ZNF804B: variants seen among roughly 807,000 people sequenced by gnomAD.
The protein encoded by ZNF804B is zinc finger 804B.
ZNF804B carries 80 observed loss-of-function variants against 101.4 expected under a neutral mutation model. The observed-to-expected ratio is 0.79, with a 90% CI of 0.66 to 0.95. ZNF804B has a LOEUF of 0.95. Ranked by LOEUF, ZNF804B falls within the 40% of genes least tolerant of loss-of-function variation. The pLI, the probability that ZNF804B is intolerant of heterozygous loss-of-function variation, is 0.00. For synonymous variants in ZNF804B, 622 were observed against 558.8 expected, an observed-to-expected ratio of 1.11 and a Z score of -1.59; for missense variants, 1,673 against 1,561.9, an observed-to-expected ratio of 1.07 and a Z score of -1.20.
chr7:88,780,965 T>C (rs1790217718), intron 1 of ZNF804B, among the ~76,000 whole-genome samples: 2 of 152,202 alleles, frequency 1.3e-5, no homozygotes, highest in African/African-American at 4.8e-5. Flanking sequence ...ATCTAATTTA[T>C]ACATCAGGCA....
chr7:89,246,021 G>A (rs1263017907), intron 2 of ZNF804B, among the ~76,000 whole-genome samples: 2 of 152,142 alleles, frequency 1.3e-5, no homozygotes, highest in Non-Finnish European at 2.9e-5. Flanking sequence ...CCAGACCTGA[G>A]ACCGAGAGCA....
At chr7:88,989,884 A>C (rs1793819448) in intron 1 of ZNF804B, among the ~76,000 whole-genome samples, 1 of 152,022 alleles carries the variant, frequency 6.6e-6, no homozygotes, top group South Asian at 2.1e-4. Flanking sequence ...CTGAGGAATG[A>C]TAGTGTTATT....
chr7:89,090,199 A>C (rs999289961), intron 1 of ZNF804B, among the ~76,000 whole-genome samples: 1 of 152,084 alleles, frequency 6.6e-6, no homozygotes, highest in Non-Finnish European at 1.5e-5. Context: ...ATTTAAATAC[A>C]AAGAATAAAA....
chr7:89,226,651 A>ATT (rs1789093371), intron 2 of ZNF804B, among the ~76,000 whole-genome samples: 1 of 151,982 alleles, frequency 6.6e-6, no homozygotes, highest in Admixed American at 6.6e-5. Context: ...GTCTTCATAT[A>ATT]TTTTCACTTA....
intron 1 of ZNF804B, among the ~76,000 whole-genome samples, chr7:88,770,187 T>C (rs992722511): frequency 6.6e-6 from 1 of 152,144 alleles, no homozygotes; most frequent in Non-Finnish European, 1.5e-5. Context: ...ATGTTTATAT[T>C]TGAGTCCCCA....
At chr7:89,298,467 CATCTCTGTTCTCCTCAAAAGTGGGAT>C (rs1016431864) in intron 2 of ZNF804B, among the ~76,000 whole-genome samples, 4 of 150,376 alleles carry the variant, frequency 2.7e-5, no homozygotes, top group African/African-American at 9.8e-5. Flanking sequence ...ATATACAGGA[CATCTCTGTTCTCCTCAAAAGTGGGAT>C]TACGTAGTAT....
chr7:88,877,043 ATATATATTTTTTTTTTTT>A (rs1791960708), intron 1 of ZNF804B, among the ~76,000 whole-genome samples: 1 of 41,812 alleles, frequency 2.4e-5, no homozygotes, highest in African/African-American at 1.3e-4. Context: ...ATATATATAT[ATATATATTTTTTTTTTTT>A]TTTTTTTTTT....
intron 1 of ZNF804B, among the ~76,000 whole-genome samples, chr7:89,036,030 T>TTA (rs1443206724): frequency 9.6e-5 from 14 of 146,580 alleles, no homozygotes; most frequent in South Asian, 8.4e-4. Flanking sequence ...TATTAATATG[T>TTA]TATATATATA....
At chr7:88,959,559 G>T (rs938332320) in intron 1 of ZNF804B, among the ~76,000 whole-genome samples, 1 of 151,334 alleles carries the variant, frequency 6.6e-6, no homozygotes, top group Non-Finnish European at 1.5e-5. Context: ...TCTGAGAGCT[G>T]TCATTTCTCC....
At position 89,113,287 on chromosome 7, in the gene ZNF804B, G is replaced by A. The variant is rs558924725; in HGVS notation, c.109-104868G>A. On this transcript the variant is annotated intron_variant, in intron 1 of 3. Transcript: ENST00000333190. ...ACTATATCTGTGTGATGGGATCATCGTACAACGGGCCTCAATGGCATGCAA... is the reference window on the plus strand; with the variant it reads ...ACTATATCTGTGTGATGGGATCATCATACAACGGGCCTCAATGGCATGCAA... Among the ~76,000 whole-genome samples, 8 of 152,238 alleles carry A rather than the reference G, an allele frequency of 5.3e-5. No homozygotes were observed. In the East Asian group the frequency reaches 1.2e-3, roughly 22 times the overall value.
chr7:89,146,313 T>C lies in ZNF804B; in HGVS notation c.109-71842T>C, dbSNP rs1222989356. ...AATTACTTATAAGCCTATTAGGATG[T>C]GACATTAATCTAAATGTGGGGATAA... On this transcript the variant is annotated intron_variant, in intron 1 of 3. Coordinates refer to ENST00000333190, the MANE Select transcript of ZNF804B (RefSeq NM_181646.5). 2.6e-5 allele frequency among the ~76,000 whole-genome samples: 4 copies of C among 152,208 alleles called. No homozygotes were observed. In the East Asian group the frequency reaches 7.7e-4, roughly 29 times the overall value.
chr7:89,086,578 A>C (rs1024473893), intron 1 of ZNF804B, among the ~76,000 whole-genome samples: 1 of 151,962 alleles, frequency 6.6e-6, no homozygotes, highest in East Asian at 1.9e-4. Flanking sequence ...ACAAGATAGA[A>C]TATCTGGCCT....
At chr7:88,880,032 C>T (rs778201250) in intron 1 of ZNF804B, among the ~76,000 whole-genome samples, 1 of 144,700 alleles carries the variant, frequency 6.9e-6, no homozygotes, top group Non-Finnish European at 1.5e-5. Context: ...GGCTACACAG[C>T]GAGACTGTCT....
At chr7:88,888,955 C>T (rs983062692) in intron 1 of ZNF804B, among the ~76,000 whole-genome samples, 3 of 152,138 alleles carry the variant, frequency 2.0e-5, no homozygotes, top group African/African-American at 7.2e-5. Context: ...TCTCCTGCCT[C>T]AAGTAGTCCC....
chr7:89,043,793 G>T (rs893666519), intron 1 of ZNF804B, among the ~76,000 whole-genome samples: 2 of 152,164 alleles, frequency 1.3e-5, no homozygotes, highest in Non-Finnish European at 2.9e-5. Context: ...CTTAAGAACA[G>T]TAAAGATTGT....
At chr7:89,169,599 A>G (rs1398520061) in intron 1 of ZNF804B, among the ~76,000 whole-genome samples, 1 of 152,184 alleles carries the variant, frequency 6.6e-6, no homozygotes, top group African/African-American at 2.4e-5. Context: ...TTCTAGATTT[A>G]TACTATTTCT....
In ZNF804B at chr7:89,337,881, A is replaced by G. The variant is rs1791128123; in HGVS notation, c.*849A>G. ...ATATTGTTTATTATTCTTCTACTCA[A>G]AAATTTTACTACGTTCAGCCAATAC... is the stretch of plus-strand genomic sequence containing the variant. On this transcript the variant is annotated 3_prime_UTR_variant, in exon 4 of 4. Coordinates refer to ENST00000333190, the MANE Select transcript of ZNF804B (RefSeq NM_181646.5). 6.6e-6 allele frequency among the ~76,000 whole-genome samples: 1 copy of G among 152,100 alleles called. No individual in the cohort carries two copies. Among genetic ancestry groups the G allele is most frequent in the Non-Finnish European group, 1.5e-5 (1 of 67,962 alleles).
At chr7:89,270,341 G>C (rs998215236) in intron 2 of ZNF804B, among the ~76,000 whole-genome samples, 1 of 152,136 alleles carries the variant, frequency 6.6e-6, no homozygotes, top group Non-Finnish European at 1.5e-5. Flanking sequence ...CTCATTTCTT[G>C]TTTTTGTCAG....
chr7:89,158,172 G>T (rs1361227032), intron 1 of ZNF804B, among the ~76,000 whole-genome samples: 3 of 152,008 alleles, frequency 2.0e-5, no homozygotes, highest in African/African-American at 7.2e-5. Context: ...CTTGGCTCTG[G>T]CCTCAAACTC....
Sources: allele counts gnomAD v4.1 joint callset (sites outside exome capture counted in the v4.1 genomes callset), GRCh38; gene constraint gnomAD v4.1.1; transcripts MANE v1.5; gene names NCBI Gene and HGNC (gene_info 2026-07-23, HGNC 2026-07-21).